ALPK3: variants seen among roughly 807,000 people sequenced by gnomAD.
ALPK3 encodes the protein alpha-protein kinase 3.
Under a neutral mutation model 140.0 loss-of-function variants are expected in ALPK3, and 102 were observed. The ratio of observed to expected loss-of-function variants is 0.73; its 90% CI spans 0.62 to 0.86. The LOEUF is 0.86. Among genes scored for constraint, ALPK3 ranks in the 40% least tolerant of loss-of-function variants. ALPK3 has a pLI of 0.00. For synonymous variants in ALPK3, 938 were observed against 898.5 expected (o/e 1.04, Z -0.79); for missense variants, 2,254 against 2,208.2 (o/e 1.02, Z -0.42).
chr15:84,855,047 C>G (rs921037420), intron 5 of ALPK3, among the ~76,000 whole-genome samples: 3 of 152,176 alleles, frequency 2.0e-5, no homozygotes, highest in Non-Finnish European at 2.9e-5. Context: ...ACAATGTTCT[C>G]GGCTTAGCAA....
chr15:84,852,724 G>A (rs1320501874), intron 5 of ALPK3: 1 of 175,932 alleles, frequency 5.7e-6, no homozygotes, highest in South Asian at 1.3e-4. Flanking sequence ...AATAAGAAGG[G>A]GCTACTGTGT....
chr15:84,819,869 G>A (rs1963403387), intron 1 of ALPK3, among the ~76,000 whole-genome samples: 1 of 152,228 alleles, frequency 6.6e-6, no homozygotes, highest in Admixed American at 6.5e-5. Flanking sequence ...TGAGCTGATG[G>A]ACACCAGAGG....
At position 84,867,349 on chromosome 15, in the gene ALPK3, G is replaced by A; in HGVS notation, c.4756G>A (p.Ala1586Thr). ...VDWKMTDVQI[A>T]TKLRGYQGLK... is the part of the protein sequence containing the mutation. ...CTGGAAGATGACTGATGTGCAGATTGCTACCAAACTCCGAGGGTGAGTGGT... is the reference window on the plus strand; with the variant it reads ...CTGGAAGATGACTGATGTGCAGATTACTACCAAACTCCGAGGGTGAGTGGT... Residue 1586 changes from alanine (A) to threonine (T), a missense_variant, in exon 13 of 14, where the codon GCT becomes ACT. Transcript: ENST00000258888. 1 of 1,614,006 alleles carries A rather than the reference G, an allele frequency of 6.2e-7. No homozygotes were observed. Among genetic ancestry groups the A allele is most frequent in the Non-Finnish European group, 8.5e-7 (1 of 1,179,978 alleles).
intron 5 of ALPK3, among the ~76,000 whole-genome samples, chr15:84,851,724 G>T (rs749759729): frequency 3.9e-5 from 6 of 151,970 alleles, no homozygotes; most frequent in African/African-American, 4.8e-5. Context: ...TATTTATTTG[G>T]AATATGGATA....
intron 9 of ALPK3, among the ~76,000 whole-genome samples, chr15:84,862,219 G>A (rs961341006): frequency 1.3e-5 from 2 of 152,284 alleles, no homozygotes; most frequent in Admixed American, 6.5e-5. Flanking sequence ...TCAGTCAAAC[G>A]TGTTGGTTGA....
chr15:84,861,605 A>C (rs1048901612), intron 9 of ALPK3, among the ~76,000 whole-genome samples: 2 of 152,206 alleles, frequency 1.3e-5, no homozygotes, highest in Non-Finnish European at 2.9e-5. Flanking sequence ...CTATTATTTC[A>C]TTAGCAGTTG....
intron 7 of ALPK3, among the ~76,000 whole-genome samples, 161 bp downstream of exon 7, chr15:84,859,551 C>A (rs1186707615): frequency 6.6e-6 from 1 of 152,222 alleles, no homozygotes; most frequent in East Asian, 1.9e-4. Flanking sequence ...GGAGGCTCAG[C>A]ATTCTTTAAG....
intron 5 of ALPK3, among the ~76,000 whole-genome samples, chr15:84,845,453 G>A (rs541720605): frequency 3.2e-4 from 48 of 152,250 alleles, no homozygotes; most frequent in African/African-American, 1.1e-3. Flanking sequence ...TGGCAGAGAG[G>A]GGTAAAGGAA....
chr15:84,859,405 C>T lies in ALPK3; in HGVS notation c.3965+15C>T, dbSNP rs763422539. On this transcript the variant is annotated intron_variant, in intron 7 of 13. Transcript: ENST00000258888. ...GTGGGCAGGAGGTAAGCCAACGACA[C>T]CACTGCCACCTGACCTGGCTCCCTG... The T allele has an allele frequency of 1.9e-6, 3 of 1,613,602 alleles. No individual in the cohort carries two copies. Among genetic ancestry groups the T allele is most frequent in the South Asian group, 1.1e-5 (1 of 90,968 alleles).
Position 84,857,610 on chromosome 15 carries a change from G to T in ALPK3, c.2872G>T (p.Asp958Tyr). 1 of 1,577,038 alleles carries T rather than the reference G, an allele frequency of 6.3e-7. No homozygotes were observed. The highest frequency in any genetic ancestry group is 1.3e-5 in the African/African-American group (1 of 74,300). ...CCGGAGCTGTGACCCTGGCCTCATAGATTCCCTGAAGAACTACCTGCTTCT... is the reference window on the plus strand; with the variant it reads ...CCGGAGCTGTGACCCTGGCCTCATATATTCCCTGAAGAACTACCTGCTTCT... Reference protein sequence around the residue: ...GPRSCDPGLIDSLKNYLLLLL... With the variant: ...GPRSCDPGLIYSLKNYLLLLL... Residue 958 changes from aspartate to tyrosine, a missense_variant, in exon 6 of 14, where the codon GAT (aspartate) becomes TAT (tyrosine). Around this residue, in one of 3 missense-constraint regions of ALPK3, gnomAD observed 2,088 missense variants for 2,022.9 expected, o/e 1.03. Coordinates refer to ENST00000258888, the MANE Select transcript of ALPK3 (RefSeq NM_020778.5).
intron 5 of ALPK3, among the ~76,000 whole-genome samples, chr15:84,852,833 C>T (rs1359931832): frequency 1.3e-5 from 2 of 152,092 alleles, no homozygotes; most frequent in Non-Finnish European, 1.5e-5. Flanking sequence ...GTGTTTCAGT[C>T]AGGTTTGTGT....
chr15:84,825,556 A>G (rs1963477548), intron 2 of ALPK3, among the ~76,000 whole-genome samples: 1 of 152,206 alleles, frequency 6.6e-6, no homozygotes, highest in African/African-American at 2.4e-5. Flanking sequence ...CTTATCCAGT[A>G]GCTGAAATGA....
intron 1 of ALPK3, among the ~76,000 whole-genome samples, chr15:84,819,903 A>G (rs983565122): frequency 2.0e-5 from 3 of 152,142 alleles, no homozygotes; most frequent in Non-Finnish European, 4.4e-5. Flanking sequence ...CCCAGAACCT[A>G]TCTCCCTATG....
Position 84,856,814 on chromosome 15 carries a change from A to T in ALPK3, c.2076A>T (p.Thr692=), listed in dbSNP as rs1567093406. The change falls in exon 6 of 14, where the codon ACA becomes ACT. Residue 692 remains threonine (T), a synonymous_variant. Transcript: ENST00000258888. ...EDRKAQADKG[T]QEDRRMQGEK... ...GGAAGGCCCAGGCAGATAAGGGCACACAGGAAGACAGAAGGATGCAGGGAG... is the reference window on the plus strand; with the variant it reads ...GGAAGGCCCAGGCAGATAAGGGCACTCAGGAAGACAGAAGGATGCAGGGAG... 6.2e-7 allele frequency: 1 copy of T among 1,614,128 alleles called. No individual in the cohort carries two copies. The highest frequency in any genetic ancestry group is 1.1e-5 in the South Asian group (1 of 91,078).
Position 84,868,306 on chromosome 15 carries a change from C to T in ALPK3, c.4968C>T (p.Pro1656=). The change falls in exon 14 of 14, where the codon CCC becomes CCT. Residue 1656 remains proline, a synonymous_variant. Transcript: ENST00000258888. ...AAGGCTCCCAGCTGAGTCCTCAGCCCCAGAAGAAAGGCCTCCCTAGTCCTC... is the reference window on the plus strand; with the variant it reads ...AAGGCTCCCAGCTGAGTCCTCAGCCTCAGAAGAAAGGCCTCCCTAGTCCTC... ...GRKGSQLSPQ[P]QKKGLPSPQG... The T allele has an allele frequency of 1.9e-6, 3 of 1,614,082 alleles. No homozygotes were observed. The highest frequency in any genetic ancestry group is 2.5e-6 in the Non-Finnish European group (3 of 1,179,980).
At chr15:84,823,465 C>A (rs1327454669) in intron 2 of ALPK3, 97 bp downstream of exon 2, 19 of 1,367,904 alleles carry the variant, frequency 1.4e-5, no homozygotes, top group Non-Finnish European at 2.0e-5. Context: ...AACCAGGCTG[C>A]ATGGGGTGAG....
At chr15:84,855,128 C>T (rs1963846424) in intron 5 of ALPK3, among the ~76,000 whole-genome samples, 1 of 152,248 alleles carries the variant, frequency 6.6e-6, no homozygotes, top group Non-Finnish European at 1.5e-5. Context: ...CATCTCCTCT[C>T]CTTGTCTGCT....
Position 84,859,349 on chromosome 15 carries a change from A to T in ALPK3, c.3924A>T (p.Thr1308=). 6.2e-7 allele frequency: 1 copy of T among 1,614,144 alleles called. No individual in the cohort carries two copies. The highest frequency in any genetic ancestry group is 8.5e-7 in the Non-Finnish European group (1 of 1,180,008). Residue 1308 remains threonine (T), a synonymous_variant, in exon 7 of 14, where the codon ACA becomes ACT. Transcript: ENST00000258888. ...ACATTCTTAGTGACTCAGTCTTGACATGGGCCAAGGATCAGCGCCCAGTGG... is the reference window on the plus strand; with the variant it reads ...ACATTCTTAGTGACTCAGTCTTGACTTGGGCCAAGGATCAGCGCCCAGTGG... ...FFNILSDSVL[T]WAKDQRPVGE...
intron 3 of ALPK3, among the ~76,000 whole-genome samples, chr15:84,828,298 T>C (rs1963511313): frequency 6.6e-6 from 1 of 152,162 alleles, no homozygotes; most frequent in African/African-American, 2.4e-5. Context: ...AAGCAACCGT[T>C]TGGCAGAATA....
Sources: gnomAD v4.1 joint callset for allele counts (sites outside exome capture counted in the v4.1 genomes callset) on GRCh38, gnomAD v4.1.1 for gene constraint, gnomAD v4.1.1 regional missense constraint, MANE v1.5 for transcripts, NCBI Gene and HGNC (gene_info 2026-07-23, HGNC 2026-07-21) for gene names.